RSBN1L: variants seen among roughly 807,000 people sequenced by gnomAD.
RSBN1L encodes the protein round spermatid basic protein 1 like.
Under a neutral mutation model 67.7 loss-of-function variants are expected in RSBN1L, and 30 were observed. That is an observed-to-expected ratio of 0.44 (90% CI 0.33 to 0.60). The LOEUF (loss-of-function observed/expected upper bound fraction) is 0.60. Among genes scored for constraint, RSBN1L ranks in the 20% least tolerant of loss-of-function variants. The pLI, the probability that RSBN1L is intolerant of heterozygous loss-of-function variation, is 0.02. For missense variants in RSBN1L, 992 were observed against 1,031.7 expected (o/e 0.96, Z 0.53); for synonymous variants, 433 against 387.0 (o/e 1.12, Z -1.39).
At chr7:77,755,652 G>A (rs1322968227) in intron 3 of RSBN1L, among the ~76,000 whole-genome samples, 2 of 140,132 alleles carry the variant, frequency 1.4e-5, no homozygotes, top group East Asian at 2.0e-4. Flanking sequence ...GGGTGACAGA[G>A]TGAGACTTGT....
intron 1 of RSBN1L, among the ~76,000 whole-genome samples, chr7:77,720,299 G>T (rs1791098324): frequency 6.6e-6 from 1 of 152,160 alleles, no homozygotes; most frequent in South Asian, 2.1e-4. Flanking sequence ...GGTGGCTCGT[G>T]CCTATAATCT....
chr7:77,751,002 T>A (rs910923467), intron 3 of RSBN1L, among the ~76,000 whole-genome samples: 13 of 152,182 alleles, frequency 8.5e-5, no homozygotes, highest in Non-Finnish European at 1.5e-4. Flanking sequence ...CTGAATATGT[T>A]CCTTTTTGGA....
At chr7:77,758,543 A>G (rs920067585) in intron 3 of RSBN1L, among the ~76,000 whole-genome samples, 1 of 152,322 alleles carries the variant, frequency 6.6e-6, no homozygotes, top group Admixed American at 6.5e-5. Context: ...ATTACTGACT[A>G]TAGTCACCCT....
At chr7:77,746,151 C>T (rs6465792) in intron 2 of RSBN1L, among the ~76,000 whole-genome samples, 87,388 of 151,952 alleles carry the variant, frequency 0.58, 27,000 homozygotes, top group African/African-American at 0.81. Context: ...AGTCCATTTT[C>T]GCACTTCTAT....
At chr7:77,734,133 G>GA (rs1211123094) in intron 1 of RSBN1L, among the ~76,000 whole-genome samples, 1 of 151,450 alleles carries the variant, frequency 6.6e-6, no homozygotes, top group Non-Finnish European at 1.5e-5. Flanking sequence ...CTCAAAAAAA[G>GA]AAAAAAAAGT....
chr7:77,696,986 C>G lies in RSBN1L; in HGVS notation c.517C>G (p.Leu173Val). The part of the protein sequence containing the change: ...KREKERRRHG[L>V]GGAREAGGAS... Reference sequence around the variant, plus strand: ...GGAGAAGGAGAGGAGGAGGCACGGTCTCGGTGGGGCCCGAGAGGCCGGCGG... The same window carrying G: ...GGAGAAGGAGAGGAGGAGGCACGGTGTCGGTGGGGCCCGAGAGGCCGGCGG... The change falls in exon 1 of 8, where the codon CTC (leucine) becomes GTC (valine). Residue 173 changes from leucine (L) to valine (V), a missense_variant. Physicochemically the swap from Leu to Val is conservative, Grantham distance 32. Transcript: ENST00000334955. 6.5e-7 allele frequency: 1 copy of G among 1,547,250 alleles called. No homozygotes were observed. The highest frequency in any genetic ancestry group is 8.7e-7 in the Non-Finnish European group (1 of 1,154,186).
chr7:77,720,988 T>A (rs1036533789), intron 1 of RSBN1L, among the ~76,000 whole-genome samples: 6 of 151,742 alleles, frequency 4.0e-5, no homozygotes, highest in Non-Finnish European at 5.9e-5. Flanking sequence ...GTGATCTGCC[T>A]GCCTCGGCAT....
At position 77,749,538 on chromosome 7, in the gene RSBN1L, G is replaced by C. The variant is rs772755572; in HGVS notation, c.818G>C (p.Ser273Thr). Residue 273 changes from serine to threonine, a missense_variant, in exon 3 of 8, where the codon AGC (serine) becomes ACC (threonine). Transcript: ENST00000334955. ...NEKRKRPKMY[S>T]KSIQTICSGL... ...AAACGGAAGCGTCCGAAAATGTATA[G>C]CAAATCTATTCAGACCATCTGCTCA... The C allele has an allele frequency of 2.5e-6, 4 of 1,612,570 alleles. No individual in the cohort carries two copies. Among genetic ancestry groups the C allele is most frequent in the Non-Finnish European group, 3.4e-6 (4 of 1,179,680 alleles).
intron 2 of RSBN1L, among the ~76,000 whole-genome samples, chr7:77,742,766 G>A (rs1403732692): frequency 3.3e-5 from 5 of 152,158 alleles, no homozygotes; most frequent in African/African-American, 9.7e-5. Context: ...GAACCCAGGA[G>A]GCGGCGGAAG....
chr7:77,767,980 A>G (rs1221266564), intron 4 of RSBN1L, among the ~76,000 whole-genome samples: 2 of 148,714 alleles, frequency 1.3e-5, no homozygotes, highest in African/African-American at 2.5e-5. Flanking sequence ...CCTCCTGAGT[A>G]GCTGGGACTA....
intron 2 of RSBN1L, among the ~76,000 whole-genome samples, chr7:77,744,450 C>G (rs550016294): frequency 6.6e-6 from 1 of 152,068 alleles, no homozygotes; most frequent in Non-Finnish European, 1.5e-5. Flanking sequence ...TAACGTTATT[C>G]AAGTGTGTGT....
In RSBN1L at chr7:77,697,033, G is replaced by T. The variant is rs1790743585; in HGVS notation, c.564G>T (p.Gly188=). ...EAGGASREEN[G]EVKPLPRDKI... is the part of the protein sequence containing the mutation. ...GCGGGGCCTCCCGGGAGGAGAACGG[G>T]GAGGTGAAGCCGCTGCCCCGAGGTG... The change falls in exon 1 of 8, where the codon GGG becomes GGT. Residue 188 remains glycine, a synonymous_variant. Coordinates refer to ENST00000334955, the MANE Select transcript of RSBN1L (RefSeq NM_198467.3). 1.3e-6 allele frequency: 2 copies of T among 1,513,834 alleles called. No individual in the cohort carries two copies. The highest frequency in any genetic ancestry group is 1.4e-5 in the African/African-American group (1 of 72,258). 93.8% of individuals were successfully genotyped at this position (1,513,834 alleles called of 1,614,324 possible).
intron 3 of RSBN1L, among the ~76,000 whole-genome samples, chr7:77,761,841 A>G (rs1319111576): frequency 2.0e-5 from 3 of 152,306 alleles, no homozygotes; most frequent in Admixed American, 1.3e-4. Context: ...ACTTTTACAG[A>G]TTAAGATTTT....
At chr7:77,714,844 T>G (rs1487922690) in intron 1 of RSBN1L, among the ~76,000 whole-genome samples, 1 of 151,342 alleles carries the variant, frequency 6.6e-6, no homozygotes, top group African/African-American at 2.4e-5. Context: ...GCGCCTGTAG[T>G]CCCAGCTACT....
At chr7:77,699,012 A>C (rs10216002) in intron 1 of RSBN1L, among the ~76,000 whole-genome samples, 19,055 of 152,258 alleles carry the variant, frequency 0.13, 1,274 homozygotes, top group African/African-American at 0.16. Flanking sequence ...GGTATTAACA[A>C]GTGGTATAGC....
At chr7:77,776,365 A>G (rs1240534701) in intron 6 of RSBN1L, among the ~76,000 whole-genome samples, 2 of 152,230 alleles carry the variant, frequency 1.3e-5, no homozygotes, top group African/African-American at 4.8e-5. Context: ...CACCAAAACG[A>G]TAGAACATTT....
chr7:77,765,476 T>G lies in RSBN1L; in HGVS notation c.1345-19T>G. The G allele has an allele frequency of 6.6e-7, 1 of 1,514,092 alleles. No individual in the cohort carries two copies. Among genetic ancestry groups the G allele is most frequent in the Non-Finnish European group, 8.9e-7 (1 of 1,124,106 alleles). 93.8% of individuals were successfully genotyped at this position (1,514,092 alleles called of 1,614,324 possible). On this transcript the variant is annotated intron_variant, in intron 3 of 7. Transcript: ENST00000334955. ...AAAAAGAACGTATTTAACTTTTAAT[T>G]AAATCCATGTTTCTTCAGGTAAAAA...
intron 1 of RSBN1L, among the ~76,000 whole-genome samples, chr7:77,728,389 C>G (rs973328068): frequency 2.0e-5 from 3 of 152,140 alleles, no homozygotes; most frequent in Non-Finnish European, 4.4e-5. Flanking sequence ...TGTACTGTTA[C>G]TGTTGAAGAG....
At position 77,731,534 on chromosome 7, in the gene RSBN1L, C is replaced by T. The variant is rs116372379; in HGVS notation, c.587-4876C>T. Among the ~76,000 whole-genome samples the T allele has an allele frequency of 7.2e-3, 1,099 of 152,304 alleles. 16 individuals carry two copies. Among genetic ancestry groups the T allele is most frequent in the African/African-American group, 0.025 (1,056 of 41,556 alleles). On this transcript the variant is annotated intron_variant, in intron 1 of 7. Coordinates refer to ENST00000334955, the MANE Select transcript of RSBN1L (RefSeq NM_198467.3). ...TACAGGCTTGAGCTACTGTGCCCAG[C>T]CTGGTCCATTTTTAATTGTTTGTTT...
Sources: allele counts gnomAD v4.1 joint callset (sites outside exome capture counted in the v4.1 genomes callset), GRCh38; gene constraint gnomAD v4.1.1; transcripts MANE v1.5; gene names NCBI Gene and HGNC (gene_info 2026-07-23, HGNC 2026-07-21).